DENND4A: variants seen among roughly 807,000 people sequenced by gnomAD.
DENND4A encodes DENN domain containing 4A, also known as C-myc promoter-binding protein.
DENND4A carries 70 observed loss-of-function variants against 199.3 expected under a neutral mutation model. That is an observed-to-expected ratio of 0.35 (90% CI 0.29 to 0.43). The LOEUF (loss-of-function observed/expected upper bound fraction) is 0.43, where lower values mean the gene tolerates loss of function less well. Ranked by LOEUF, DENND4A falls within the 20% of genes least tolerant of loss-of-function variation. The pLI is 1.00. For missense variants in DENND4A, 1,723 were observed against 2,255.8 expected (o/e 0.76, Z 4.78); for synonymous variants, 686 against 766.9 (o/e 0.89, Z 1.74).
chr15:65,696,175 C>CTA, intron 22 of DENND4A, 191 bp downstream of exon 22: 1 of 556,288 alleles, frequency 1.8e-6, no homozygotes, highest in East Asian at 4.4e-5. Flanking sequence ...CTATGCCTTG[C>CTA]TATAATACAA....
intron 12 of DENND4A, among the ~76,000 whole-genome samples, chr15:65,722,186 T>C (rs367628969): frequency 1.4e-4 from 21 of 152,172 alleles, no homozygotes; most frequent in African/African-American, 5.1e-4. Context: ...TTCTATTCTG[T>C]GTATGAAAAA....
intron 4 of DENND4A, among the ~76,000 whole-genome samples, chr15:65,751,197 G>A (rs952154451): frequency 4.6e-5 from 7 of 152,108 alleles, no homozygotes; most frequent in Admixed American, 2.6e-4. Context: ...CAATAGAGGC[G>A]TTGTGAAGTG....
chr15:65,773,536 G>T lies in DENND4A; in HGVS notation c.-101-12098C>A, dbSNP rs187411240. 1.8e-3 allele frequency among the ~76,000 whole-genome samples: 279 copies of T among 152,346 alleles called. 1 individual carries two copies. In the Middle Eastern group the frequency reaches 0.02, roughly 11 times the overall value. ...AATTCTGAAATATCAGTAGGTGATAGAGGAGAGATGGAAGGGGATTCCACA... is the reference window on the plus strand; with the variant it reads ...AATTCTGAAATATCAGTAGGTGATATAGGAGAGATGGAAGGGGATTCCACA... On this transcript the variant is annotated intron_variant, in intron 1 of 32. Coordinates refer to ENST00000443035, the MANE Select transcript of DENND4A (RefSeq NM_001320835.1).
chr15:65,708,701 T>C (rs1285821712), intron 14 of DENND4A, among the ~76,000 whole-genome samples: 1 of 152,160 alleles, frequency 6.6e-6, no homozygotes, highest in Non-Finnish European at 1.5e-5. Context: ...CTTCATATTT[T>C]CCCACAAGAC....
chr15:65,692,278 C>T (rs1184877409), intron 22 of DENND4A, among the ~76,000 whole-genome samples: 2 of 152,120 alleles, frequency 1.3e-5, no homozygotes, highest in Non-Finnish European at 2.9e-5. Context: ...ATTGATTGCA[C>T]ATTTATACCA....
chr15:65,699,448 C>T (rs1356921475), intron 20 of DENND4A, among the ~76,000 whole-genome samples: 1 of 151,622 alleles, frequency 6.6e-6, no homozygotes, highest in Non-Finnish European at 1.5e-5. Context: ...TTAAGAAAAG[C>T]TGATATACGA....
intron 4 of DENND4A, among the ~76,000 whole-genome samples, chr15:65,745,051 AG>A (rs2076353850): frequency 6.6e-6 from 1 of 152,330 alleles, no homozygotes; most frequent in East Asian, 1.9e-4. Flanking sequence ...CACTTAATCA[AG>A]TTCTCATTTA....
chr15:65,703,748 C>A (rs931035024), intron 15 of DENND4A, among the ~76,000 whole-genome samples: 1 of 152,210 alleles, frequency 6.6e-6, no homozygotes, highest in Admixed American at 6.5e-5. Flanking sequence ...AGGAGGACTG[C>A]CTGAGCCCAG....
chr15:65,690,792 G>C lies in DENND4A; in HGVS notation c.3802C>G (p.Pro1268Ala). ...CATGCCCGTTGTAAATCAATGCTTGGTGTACGACTTGTCAAAGGACTGCTC... is the reference window on the plus strand; with the variant it reads ...CATGCCCGTTGTAAATCAATGCTTGCTGTACGACTTGTCAAAGGACTGCTC... Reference protein sequence around the residue: ...NMSSPLTSRTPSIDLQRACDD... With the variant: ...NMSSPLTSRTASIDLQRACDD... Residue 1268 changes from proline (P) to alanine (A), a missense_variant, in exon 23 of 33, where the codon CCA (proline) becomes GCA (alanine). Physicochemically the swap from Pro to Ala is conservative, Grantham distance 27 (BLOSUM62 -1). Around this residue, in one of 6 missense-constraint regions of DENND4A, gnomAD observed 650 missense variants for 738.1 expected, o/e 0.88. Transcript: ENST00000443035. 1.9e-6 allele frequency: 3 copies of C among 1,613,388 alleles called. No individual in the cohort carries two copies. Among genetic ancestry groups the C allele is most frequent in the Non-Finnish European group, 2.5e-6 (3 of 1,179,748 alleles).
chr15:65,709,894 A>T (rs1169155692), intron 14 of DENND4A, among the ~76,000 whole-genome samples: 1 of 151,596 alleles, frequency 6.6e-6, no homozygotes, highest in Non-Finnish European at 1.5e-5. Flanking sequence ...TATATAAGTG[A>T]TCTTTTGTTG....
chr15:65,772,076 GC>G, intron 1 of DENND4A: 1 of 1,186,910 alleles, frequency 8.4e-7, no homozygotes, highest in Non-Finnish European at 1.3e-6. Context: ...TCTCGCGGTT[GC>G]CAGCATTCAG....
At chr15:65,764,505 C>T (rs769906778) in intron 1 of DENND4A, among the ~76,000 whole-genome samples, 11 of 152,032 alleles carry the variant, frequency 7.2e-5, no homozygotes, top group African/African-American at 1.2e-4. Context: ...GAGGCATGTG[C>T]CTGTAATTCC....
chr15:65,662,004 AGAAAT>A lies in DENND4A; in HGVS notation c.5588-22_5588-18del, dbSNP rs748306492. 28 of 1,591,090 alleles carry A rather than the reference AGAAAT, an allele frequency of 1.8e-5. 1 individual carries two copies. In the South Asian group the frequency reaches 3.1e-4, roughly 18 times the overall value. On this transcript the variant is annotated intron_variant, in intron 32 of 32. Transcript: ENST00000443035. ...CAAAAGCATCTGCAGAAATTGATAA[AGAAAT>A]AAAAGAATAAAGAAATTTAGGTCTG...
At chr15:65,788,076 T>C (rs2077613369) in intron 1 of DENND4A, among the ~76,000 whole-genome samples, 1 of 151,778 alleles carries the variant, frequency 6.6e-6, no homozygotes, top group Non-Finnish European at 1.5e-5. Flanking sequence ...GTTATTTATT[T>C]ATTTATTTTT....
In DENND4A at chr15:65,697,292, ATCTTTT is replaced by A; in HGVS notation, c.2919_2924del (p.Glu973_Lys974del). 6.3e-7 allele frequency: 1 copy of A among 1,596,780 alleles called. No individual in the cohort carries two copies. Among genetic ancestry groups the A allele is most frequent in the Non-Finnish European group, 8.6e-7 (1 of 1,168,068 alleles). On this transcript the variant is annotated inframe_deletion, in exon 21 of 33. Transcript: ENST00000443035. ...AGGAACTACAATCACTCCCTTTTTT[ATCTTTT>A]TCTTCTTGAATGTCTTCAGTAGATG...
In DENND4A at chr15:65,701,820, A is replaced by C; in HGVS notation, c.2501T>G (p.Phe834Cys). ...GTCAATACCAGCTTTCTGCATTTCA[A>C]AAAGCACTCGAACTGCAAGCACTGG... Reference protein sequence around the residue: ...DQPVLAVRVLFEMQKAGIDPN... With the variant: ...DQPVLAVRVLCEMQKAGIDPN... The change falls in exon 18 of 33, where the codon TTT (phenylalanine) becomes TGT (cysteine). Residue 834 changes from phenylalanine (F) to cysteine (C), a missense_variant. By Grantham distance (205) the Phe-to-Cys change is radical. Transcript: ENST00000443035. The C allele has an allele frequency of 6.2e-7, 1 of 1,613,904 alleles. No homozygotes were observed. The highest frequency in any genetic ancestry group is 8.5e-7 in the Non-Finnish European group (1 of 1,179,784).
rs779661169 is a variant in DENND4A at position 65,729,719 on chromosome 15, T to C, written c.1167-41A>G. The C allele has an allele frequency of 2.6e-6, 4 of 1,514,782 alleles. No homozygotes were observed. In the South Asian group the frequency reaches 5.1e-5, roughly 19 times the overall value. 93.8% of individuals were successfully genotyped at this position (1,514,782 alleles called of 1,614,324 possible). On this transcript the variant is annotated intron_variant, in intron 9 of 32. Coordinates refer to ENST00000443035, the MANE Select transcript of DENND4A (RefSeq NM_001320835.1). The stretch of plus-strand genomic sequence containing the variant: ...AAAATATATAATTAAAAAATAATGA[T>C]CCAAACACCTCATTATCTAAAACAA...
intron 1 of DENND4A, among the ~76,000 whole-genome samples, chr15:65,775,498 G>A (rs1168319280): frequency 2.0e-5 from 3 of 151,422 alleles, no homozygotes; most frequent in South Asian, 2.1e-4. Flanking sequence ...AAAATTAGCC[G>A]GGTGTGGTGA....
intron 21 of DENND4A, among the ~76,000 whole-genome samples, 181 bp from the exon 22 acceptor site, chr15:65,696,678 G>A (rs184345103): frequency 2.5e-4 from 38 of 152,128 alleles, no homozygotes; most frequent in African/African-American, 8.4e-4. Flanking sequence ...AGGCCTCAAA[G>A]TGTAGATCAA....
Sources: gnomAD v4.1 joint callset for allele counts (sites outside exome capture counted in the v4.1 genomes callset) on GRCh38, gnomAD v4.1.1 for gene constraint, gnomAD v4.1.1 regional missense constraint, MANE v1.5 for transcripts, NCBI Gene and HGNC (gene_info 2026-07-23, HGNC 2026-07-21) for gene names.